EPB41L3: variants seen among roughly 807,000 people sequenced by gnomAD.
EPB41L3 encodes band 4.1-like protein 3.
A neutral mutation model predicts 127.1 loss-of-function variants in EPB41L3; 57 were observed. The observed-to-expected ratio is 0.45, with a 90% CI of 0.36 to 0.56. The LOEUF is 0.56. Among genes scored for constraint, EPB41L3 ranks in the 20% least tolerant of loss-of-function variants. The pLI is 0.00. For synonymous variants in EPB41L3, 572 were observed against 549.5 expected, an observed-to-expected ratio of 1.04 and a Z score of -0.57; for missense variants, 1,273 against 1,372.2, an observed-to-expected ratio of 0.93 and a Z score of 1.14.
intron 3 of EPB41L3, among the ~76,000 whole-genome samples, chr18:5,579,699 T>A (rs1366419160): frequency 6.6e-6 from 1 of 152,208 alleles, no homozygotes; most frequent in Non-Finnish European, 1.5e-5. Flanking sequence ...GCTGATAAAC[T>A]TATTTTTTCC....
chr18:5,515,692 T>A (rs1361851248), intron 1 of EPB41L3, among the ~76,000 whole-genome samples: 2 of 152,136 alleles, frequency 1.3e-5, no homozygotes, highest in Non-Finnish European at 2.9e-5. Flanking sequence ...AAAGATAGCG[T>A]GAAAGTGAAA....
intron 3 of EPB41L3, among the ~76,000 whole-genome samples, chr18:5,612,089 C>CA (rs535913117): frequency 0.041 from 4,687 of 114,008 alleles, 189 homozygotes; most frequent in African/African-American, 0.12. Flanking sequence ...ACAATTAGGG[C>CA]AAAAAAAAAA....
At chr18:5,489,348 T>C (rs999353544) in intron 1 of EPB41L3, 154 bp from the exon 2 acceptor site, 3 of 807,108 alleles carry the variant, frequency 3.7e-6, no homozygotes, top group African/African-American at 1.8e-5. Flanking sequence ...ACAGATGACT[T>C]GTCAACTTCA....
At chr18:5,401,678 G>T (rs1387683620) in intron 16 of EPB41L3, among the ~76,000 whole-genome samples, 1 of 152,030 alleles carries the variant, frequency 6.6e-6, no homozygotes. Flanking sequence ...AAAATATCTT[G>T]CTGGAAAATT....
intron 3 of EPB41L3, among the ~76,000 whole-genome samples, chr18:5,447,646 G>A (rs1157617574): frequency 1.3e-5 from 2 of 151,928 alleles, no homozygotes; most frequent in African/African-American, 2.4e-5. Flanking sequence ...ATTTCTCAAC[G>A]GAGGAATCGT....
intron 3 of EPB41L3, among the ~76,000 whole-genome samples, chr18:5,569,372 T>C (rs1278245929): frequency 1.3e-5 from 2 of 152,150 alleles, no homozygotes; most frequent in Non-Finnish European, 2.9e-5. Flanking sequence ...AAAACAGTAA[T>C]TAAGAGTCAG....
chr18:5,430,481 C>T (rs537078489), intron 8 of EPB41L3, among the ~76,000 whole-genome samples: 2 of 150,620 alleles, frequency 1.3e-5, no homozygotes, highest in Admixed American at 6.6e-5. Flanking sequence ...TCATTAATCG[C>T]ACGGCAAAAA....
At chr18:5,404,904 A>G (rs1398010219) in intron 16 of EPB41L3, among the ~76,000 whole-genome samples, 1 of 152,250 alleles carries the variant, frequency 6.6e-6, no homozygotes, top group Admixed American at 6.5e-5. Flanking sequence ...AAAATTCATG[A>G]GAGCATAACT....
chr18:5,526,455 A>C (rs2093224916), intron 1 of EPB41L3, among the ~76,000 whole-genome samples: 1 of 152,216 alleles, frequency 6.6e-6, no homozygotes, highest in Non-Finnish European at 1.5e-5. Flanking sequence ...TGCCTCCTCC[A>C]AGAACAAGTT....
chr18:5,484,658 G>C (rs2089404139), intron 2 of EPB41L3, among the ~76,000 whole-genome samples: 1 of 151,702 alleles, frequency 6.6e-6, no homozygotes, highest in South Asian at 2.1e-4. Context: ...AGGAGACATA[G>C]CAACTGGGAC....
chr18:5,403,555 T>C (rs1215435887), intron 16 of EPB41L3, among the ~76,000 whole-genome samples: 3 of 151,030 alleles, frequency 2.0e-5, no homozygotes, highest in Non-Finnish European at 4.4e-5. Context: ...AAATCTTTAG[T>C]TTTTTTCTTC....
At chr18:5,592,525 C>G (rs1038313545) in intron 3 of EPB41L3, among the ~76,000 whole-genome samples, 3 of 152,216 alleles carry the variant, frequency 2.0e-5, no homozygotes, top group Non-Finnish European at 4.4e-5. Flanking sequence ...GGAATCCTGG[C>G]TAGGCTGGCT....
intron 1 of EPB41L3, among the ~76,000 whole-genome samples, chr18:5,500,089 T>TA (rs1346793125): frequency 1.3e-5 from 2 of 152,128 alleles, no homozygotes; most frequent in Admixed American, 6.5e-5. Flanking sequence ...TTTAATCAGT[T>TA]ACGATTTTGA....
At chr18:5,394,648 AAGCCT>A in intron 22 of EPB41L3, 24 bp downstream of exon 22, 1 of 1,559,836 alleles carries the variant, frequency 6.4e-7, no homozygotes, top group Non-Finnish European at 8.8e-7. Flanking sequence ...CAGCCTAGGC[AAGCCT>A]AGAGAATCGG....
chr18:5,539,628 A>C (rs535862691), intron 1 of EPB41L3: 17 of 152,356 alleles, frequency 1.1e-4, no homozygotes, highest in African/African-American at 4.1e-4. Context: ...CACATGAAAA[A>C]TGTCAGTCAT....
At chr18:5,427,450 C>T (rs758882942) in intron 9 of EPB41L3, among the ~76,000 whole-genome samples, 1 of 152,086 alleles carries the variant, frequency 6.6e-6, no homozygotes, top group South Asian at 2.1e-4. Context: ...AGGCTGTTGT[C>T]CAAGGAGTAA....
At chr18:5,455,738 C>T (rs919604985) in intron 3 of EPB41L3, among the ~76,000 whole-genome samples, 1 of 150,520 alleles carries the variant, frequency 6.6e-6, no homozygotes, top group African/African-American at 2.5e-5. Context: ...CAGTGAAGCA[C>T]GCTTCTTCTT....
Position 5,416,174 on chromosome 18 carries a change from C to G in EPB41L3, c.1711G>C (p.Val571Leu), listed in dbSNP as rs375555518. 6.2e-6 allele frequency: 10 copies of G among 1,613,976 alleles called. No homozygotes were observed. The highest frequency in any genetic ancestry group is 2.7e-5 in the African/African-American group (2 of 74,920). ...PGRPYLGDQD[V>L]AFSYRQQTGK... ...GTTTGCTGTCTGTAGCTAAAAGCCACATCTTGATCCCCTAGGTAAGGCCTC... is the reference window on the plus strand; with the variant it reads ...GTTTGCTGTCTGTAGCTAAAAGCCAGATCTTGATCCCCTAGGTAAGGCCTC... The change falls in exon 13 of 23, where the codon GTG becomes CTG. Residue 571 changes from valine to leucine, a missense_variant. This residue lies in a region of EPB41L3 where 765 missense variants were observed against 782.9 expected (regional missense o/e 0.98). Transcript: ENST00000341928.
At chr18:5,603,469 C>G (rs886674662) in intron 3 of EPB41L3, among the ~76,000 whole-genome samples, 98 of 152,244 alleles carry the variant, frequency 6.4e-4, no homozygotes, top group Non-Finnish European at 7.8e-4. Context: ...GGTCATTGTA[C>G]TTTTAGAGTC....
Sources: allele counts gnomAD v4.1 joint callset (sites outside exome capture counted in the v4.1 genomes callset), GRCh38; gene constraint gnomAD v4.1.1; regional missense constraint gnomAD v4.1.1; transcripts MANE v1.5; gene names NCBI Gene and HGNC (gene_info 2026-07-23, HGNC 2026-07-21).